SLC2A13: variants seen among roughly 807,000 people sequenced by gnomAD.
SLC2A13 encodes the protein solute carrier family 2 member 13.
A neutral mutation model predicts 64.4 loss-of-function variants in SLC2A13; 32 were observed. That is an observed-to-expected ratio of 0.50 (90% CI 0.37 to 0.67). The LOEUF (loss-of-function observed/expected upper bound fraction) is 0.67, where lower values mean the gene tolerates loss of function less well. Among genes scored for constraint, SLC2A13 ranks in the 30% least tolerant of loss-of-function variants. The pLI is 0.00. For synonymous variants in SLC2A13, 338 were observed against 327.1 expected (o/e 1.03, Z -0.36); for missense variants, 743 against 829.2 (o/e 0.90, Z 1.28).
At chr12:39,807,899 C>T (rs966097820) in intron 7 of SLC2A13, among the ~76,000 whole-genome samples, 2 of 151,294 alleles carry the variant, frequency 1.3e-5, no homozygotes, top group Admixed American at 1.3e-4. Flanking sequence ...AATTAGTCTG[C>T]CCTTTGAAAA....
intron 4 of SLC2A13, among the ~76,000 whole-genome samples, chr12:39,945,334 G>T (rs1375060107): frequency 6.6e-6 from 1 of 152,092 alleles, no homozygotes; most frequent in Non-Finnish European, 1.5e-5. Context: ...AATGTGCCTA[G>T]GTGAAGGTCT....
chr12:39,997,881 T>C (rs1947258860), intron 3 of SLC2A13, among the ~76,000 whole-genome samples: 1 of 152,066 alleles, frequency 6.6e-6, no homozygotes, highest in Non-Finnish European at 1.5e-5. Flanking sequence ...TAGATGTTGA[T>C]GGGGATGCAG....
chr12:39,808,712 C>A (rs142362599), intron 7 of SLC2A13, among the ~76,000 whole-genome samples: 246 of 152,092 alleles, frequency 1.6e-3, no homozygotes, highest in African/African-American at 5.8e-3. Flanking sequence ...TGCTTATTTG[C>A]CATCTTTTTA....
At chr12:40,004,168 T>C (rs11174702) in intron 3 of SLC2A13, among the ~76,000 whole-genome samples, 50,658 of 151,996 alleles carry the variant, frequency 0.33, 8,553 homozygotes, top group African/African-American at 0.36. Flanking sequence ...ATAGGTTATA[T>C]GCAAATACTA....
intron 7 of SLC2A13, among the ~76,000 whole-genome samples, chr12:39,817,058 G>A (rs1202416831): frequency 2.0e-5 from 3 of 152,134 alleles, no homozygotes; most frequent in Non-Finnish European, 4.4e-5. Flanking sequence ...TAGGTAGGTG[G>A]TGAGTGACTG....
At chr12:39,896,045 C>T (rs566441356) in intron 4 of SLC2A13, among the ~76,000 whole-genome samples, 4 of 143,450 alleles carry the variant, frequency 2.8e-5, no homozygotes, top group African/African-American at 7.7e-5. Flanking sequence ...TGTTTATATA[C>T]GCATGTATAT....
chr12:40,085,256 C>G (rs1938552833), intron 1 of SLC2A13, among the ~76,000 whole-genome samples: 1 of 152,186 alleles, frequency 6.6e-6, no homozygotes, highest in Non-Finnish European at 1.5e-5. Flanking sequence ...GTAAACCAAA[C>G]TGTTTTCTGA....
Position 39,799,169 on chromosome 12 carries a change from G to A in SLC2A13, c.1445+30934C>T, listed in dbSNP as rs368048198. Among the ~76,000 whole-genome samples the A allele has an allele frequency of 4.5e-3, 626 of 140,196 alleles. 3 individuals are homozygous for A. The highest frequency in any genetic ancestry group is 0.015 in the African/African-American group (576 of 37,754). 92.0% of individuals were successfully genotyped at this position (140,196 alleles called of 152,430 possible). Reference sequence around the variant, plus strand: ...GCAATCTCAGCTCACTGCAACCTCCGCCTCCCAGGTTCAAGTGATTCTCCT... The same window carrying A: ...GCAATCTCAGCTCACTGCAACCTCCACCTCCCAGGTTCAAGTGATTCTCCT... On this transcript the variant is annotated intron_variant, in intron 7 of 9. Transcript: ENST00000280871.
At chr12:40,000,801 C>A (rs1268928006) in intron 3 of SLC2A13, among the ~76,000 whole-genome samples, 2 of 152,180 alleles carry the variant, frequency 1.3e-5, no homozygotes, top group Non-Finnish European at 2.9e-5. Context: ...GGCTCTATCT[C>A]CAAATGTAGT....
At chr12:39,787,493 T>C (rs1941232673) in intron 7 of SLC2A13, among the ~76,000 whole-genome samples, 1 of 152,178 alleles carries the variant, frequency 6.6e-6, no homozygotes, top group Admixed American at 6.6e-5. Context: ...GAGATTATTT[T>C]TTTCCTTCAG....
chr12:39,809,781 G>A (rs992024284), intron 7 of SLC2A13, among the ~76,000 whole-genome samples: 2 of 152,116 alleles, frequency 1.3e-5, no homozygotes, highest in Non-Finnish European at 2.9e-5. Flanking sequence ...CCTTGCGATA[G>A]TTTGCTGAGA....
At chr12:40,043,048 A>T (rs1374260096) in intron 2 of SLC2A13, among the ~76,000 whole-genome samples, 3 of 151,910 alleles carry the variant, frequency 2.0e-5, no homozygotes, top group African/African-American at 2.4e-5. Context: ...AGTCGGGGGC[A>T]ACACTAGTTA....
intron 1 of SLC2A13, among the ~76,000 whole-genome samples, chr12:40,073,568 T>G (rs1044524660): frequency 6.6e-6 from 1 of 152,100 alleles, no homozygotes; most frequent in African/African-American, 2.4e-5. Context: ...ATTTCTTGCA[T>G]GGCAAGTCTA....
rs550651156 is a variant in SLC2A13, at chr12:39,775,423, A to G, written c.1446-10565T>C. On this transcript the variant is annotated intron_variant, in intron 7 of 9. Transcript: ENST00000280871. ...CTTCTGCCTCTCCAGTTCCTCCTGT[A>G]TTCCTGAAGTTCTCTGGTCATTGTG... Among the ~76,000 whole-genome samples, 156 of 152,362 alleles carry G rather than the reference A, an allele frequency of 1.0e-3. 1 individual carries two copies. The highest frequency in any genetic ancestry group is 7.1e-4 in the Non-Finnish European group (48 of 68,034).
intron 7 of SLC2A13, among the ~76,000 whole-genome samples, chr12:39,768,886 A>G (rs1940459781): frequency 6.6e-6 from 1 of 152,104 alleles, no homozygotes; most frequent in South Asian, 2.1e-4. Context: ...TCGGTTTGTA[A>G]AACAAAATGC....
In SLC2A13 at chr12:39,757,283, G is replaced by C. The variant is rs980247621; in HGVS notation, c.*2743C>G. The C allele has an allele frequency of 2.0e-5, 3 of 151,754 alleles. No homozygotes were observed. Among genetic ancestry groups the C allele is most frequent in the Non-Finnish European group, 4.4e-5 (3 of 67,700 alleles). The allele number at this position is 151,754 out of a possible 1,614,324, so 9.4% of individuals were successfully genotyped here. A position where few individuals can be genotyped will look rare whatever the true frequency, so the allele number is the denominator to read the frequency against. ...AGTCTGTAATTTTGGTTGAAAGCAT[G>C]ATACGTAATCTGTGTCTGCTTTAAT... On this transcript the variant is annotated 3_prime_UTR_variant, in exon 10 of 10. Transcript: ENST00000280871.
At chr12:40,101,477 T>C (rs1308182119) in intron 1 of SLC2A13, among the ~76,000 whole-genome samples, 2 of 152,170 alleles carry the variant, frequency 1.3e-5, no homozygotes, top group African/African-American at 4.8e-5. Flanking sequence ...GTAGTAGCCA[T>C]CTCAGCAAAT....
At chr12:39,852,035 A>C (rs10784208) in intron 6 of SLC2A13, among the ~76,000 whole-genome samples, 97,121 of 152,048 alleles carry the variant, frequency 0.64, 31,189 homozygotes, top group East Asian at 0.77. Context: ...TTTCAGTTGC[A>C]GGGGATTTGT....
chr12:40,076,706 T>A (rs1010874976), intron 1 of SLC2A13, among the ~76,000 whole-genome samples: 1 of 152,146 alleles, frequency 6.6e-6, no homozygotes, highest in East Asian at 1.9e-4. Flanking sequence ...AGTTCTGTTT[T>A]ACATTGAGAA....
Sources: gnomAD v4.1 joint callset for allele counts (sites outside exome capture counted in the v4.1 genomes callset) on GRCh38, gnomAD v4.1.1 for gene constraint, MANE v1.5 for transcripts, NCBI Gene and HGNC (gene_info 2026-07-23, HGNC 2026-07-21) for gene names.